DLGAP1: variants seen among roughly 807,000 people sequenced by gnomAD.
DLGAP1 encodes DLG associated protein 1, also known as disks large-associated protein 1.
Under a neutral mutation model 90.8 loss-of-function variants are expected in DLGAP1, and 11 were observed. That is an observed-to-expected ratio of 0.12 (90% confidence interval 0.08 to 0.20). The LOEUF is 0.20. DLGAP1 is among the 10% of genes least tolerant of loss of function. The pLI is 1.00. For synonymous variants in DLGAP1, 558 were observed against 540.7 expected, an observed-to-expected ratio of 1.03 and a Z score of -0.44; for missense variants, 1,050 against 1,333.8, an observed-to-expected ratio of 0.79 and a Z score of 3.31.
At chr18:4,210,618 T>C (rs2077822104) in intron 1 of DLGAP1, among the ~76,000 whole-genome samples, 1 of 152,160 alleles carries the variant, frequency 6.6e-6, no homozygotes, top group South Asian at 2.1e-4. Context: ...TGGAAAACTC[T>C]GCAGATGAAA....
At chr18:4,387,930 TACACACACACA>T (rs1567881019) in intron 1 of DLGAP1, among the ~76,000 whole-genome samples, 1,602 of 123,336 alleles carry the variant, frequency 0.013, 30 homozygotes, top group African/African-American at 0.041. Flanking sequence ...CCATCACACA[TACACACACACA>T]CACACACACA....
chr18:4,256,261 A>G (rs2078885049), intron 1 of DLGAP1, among the ~76,000 whole-genome samples: 1 of 152,198 alleles, frequency 6.6e-6, no homozygotes, highest in African/African-American at 2.4e-5. Flanking sequence ...TTAGCTGGGC[A>G]TGGTGGCTCA....
intron 7 of DLGAP1, among the ~76,000 whole-genome samples, chr18:3,675,770 T>G (rs1434683435): frequency 6.6e-6 from 1 of 152,202 alleles, no homozygotes; most frequent in African/African-American, 2.4e-5. Context: ...AACAACAGGC[T>G]CTCTGAAGAG....
intron 3 of DLGAP1, among the ~76,000 whole-genome samples, chr18:3,988,010 T>C (rs561076370): frequency 1.3e-5 from 2 of 152,274 alleles, no homozygotes; most frequent in East Asian, 1.9e-4. Context: ...ACTTTATTTC[T>C]ATTATTACAT....
At chr18:3,669,556 C>T (rs2060007356) in intron 7 of DLGAP1, among the ~76,000 whole-genome samples, 1 of 152,192 alleles carries the variant, frequency 6.6e-6, no homozygotes, top group African/African-American at 2.4e-5. Flanking sequence ...TGCGGAAGAG[C>T]ACATCGATAG....
intron 5 of DLGAP1, among the ~76,000 whole-genome samples, chr18:3,791,444 G>C (rs2065728113): frequency 6.6e-6 from 1 of 152,178 alleles, no homozygotes; most frequent in Non-Finnish European, 1.5e-5. Context: ...GTTGGCTTGA[G>C]TCCAGAGCTG....
At chr18:4,302,536 AT>A (rs573172080) in intron 1 of DLGAP1, among the ~76,000 whole-genome samples, 9 of 152,084 alleles carry the variant, frequency 5.9e-5, no homozygotes, top group Non-Finnish European at 1.0e-4. Context: ...TATAAAGTAC[AT>A]TTTTTTGACA....
intron 1 of DLGAP1, among the ~76,000 whole-genome samples, chr18:4,283,541 ATTTC>A (rs1313976826): frequency 6.6e-6 from 1 of 152,218 alleles, no homozygotes; most frequent in Non-Finnish European, 1.5e-5. Flanking sequence ...AGTGAAAATA[ATTTC>A]TTTACTTTTC....
chr18:4,202,288 G>A (rs969180630), intron 1 of DLGAP1, among the ~76,000 whole-genome samples: 36 of 152,116 alleles, frequency 2.4e-4, no homozygotes, highest in African/African-American at 7.5e-4. Flanking sequence ...TCACTTATAG[G>A]TGTGAGCTAA....
intron 5 of DLGAP1, among the ~76,000 whole-genome samples, chr18:3,761,472 C>T (rs758772122): frequency 3.8e-4 from 58 of 152,178 alleles, no homozygotes; most frequent in Non-Finnish European, 6.9e-4. Flanking sequence ...TTTGGTTTAT[C>T]CATTAGCCAT....
At position 4,423,253 on chromosome 18, in the gene DLGAP1, T is replaced by C. The variant is rs933502501; in HGVS notation, c.-267+31753A>G. On this transcript the variant is annotated intron_variant, in intron 1 of 12. Coordinates refer to ENST00000315677, the MANE Select transcript of DLGAP1 (RefSeq NM_004746.4). Reference sequence around the variant, plus strand: ...CAAAAAATGTCCTGTTAGAGTTTTATGGAGAATTTTATGTAGCTCTTCATA... The same window carrying C: ...CAAAAAATGTCCTGTTAGAGTTTTACGGAGAATTTTATGTAGCTCTTCATA... 4.6e-5 allele frequency among the ~76,000 whole-genome samples: 7 copies of C among 152,318 alleles called. No individual in the cohort carries two copies. The East Asian group carries it at 7.7e-4, about 17-fold the overall frequency.
intron 2 of DLGAP1, among the ~76,000 whole-genome samples, chr18:4,008,904 G>C (rs1298479540): frequency 1.3e-5 from 2 of 152,158 alleles, no homozygotes; most frequent in Non-Finnish European, 2.9e-5. Context: ...CAGCCACCGA[G>C]TCTCTCTCTT....
At chr18:3,795,427 T>C (rs939332785) in intron 5 of DLGAP1, among the ~76,000 whole-genome samples, 8 of 152,198 alleles carry the variant, frequency 5.3e-5, no homozygotes, top group Admixed American at 3.9e-4. Flanking sequence ...GCGATTCTCC[T>C]GCCTCAGCCT....
intron 9 of DLGAP1, among the ~76,000 whole-genome samples, chr18:3,554,576 T>C (rs796829467): frequency 9.2e-5 from 14 of 152,320 alleles, no homozygotes; most frequent in African/African-American, 3.4e-4. Flanking sequence ...CAATGTGCAT[T>C]TGCGATCCAT....
At chr18:4,321,940 G>A (rs930165979) in intron 1 of DLGAP1, among the ~76,000 whole-genome samples, 1 of 143,550 alleles carries the variant, frequency 7.0e-6, no homozygotes. Flanking sequence ...GTTCACGCCT[G>A]TAAACTCAGC....
intron 7 of DLGAP1, among the ~76,000 whole-genome samples, chr18:3,672,640 A>T (rs2060141556): frequency 6.9e-6 from 1 of 144,160 alleles, no homozygotes; most frequent in Non-Finnish European, 1.5e-5. Context: ...TAAACCCAGG[A>T]GTGTTTAAGA....
At chr18:4,359,308 G>A (rs191280733) in intron 1 of DLGAP1, among the ~76,000 whole-genome samples, 7 of 152,198 alleles carry the variant, frequency 4.6e-5, no homozygotes, top group East Asian at 1.9e-4. Flanking sequence ...CTGATCTTCC[G>A]CTGGAGTAGA....
intron 1 of DLGAP1, among the ~76,000 whole-genome samples, chr18:4,337,491 A>G (rs993783742): frequency 6.6e-6 from 1 of 152,120 alleles, no homozygotes; most frequent in African/African-American, 2.4e-5. Context: ...GTGCCCGGCA[A>G]AGAGATGGCT....
At chr18:3,687,828 C>G (rs342504) in intron 7 of DLGAP1, among the ~76,000 whole-genome samples, 20,186 of 151,748 alleles carry the variant, frequency 0.13, 2,907 homozygotes, top group African/African-American at 0.36. Context: ...AAATGACCAA[C>G]CTATAACATT....
Sources: allele counts gnomAD v4.1 joint callset (sites outside exome capture counted in the v4.1 genomes callset), GRCh38; gene constraint gnomAD v4.1.1; transcripts MANE v1.5; gene names NCBI Gene and HGNC (gene_info 2026-07-23, HGNC 2026-07-21).